STAC: variants seen among roughly 807,000 people sequenced by gnomAD.
STAC encodes the protein SH3 and cysteine rich domain.
A neutral mutation model predicts 48.8 loss-of-function variants in STAC; 43 were observed. The ratio of observed to expected loss-of-function variants is 0.88; its 90% CI spans 0.69 to 1.14. The LOEUF is 1.14. STAC is among the 50% of genes most tolerant of loss of function. STAC has a pLI of 0.00. For synonymous variants in STAC, 193 were observed against 179.5 expected (o/e 1.07, Z -0.60); for missense variants, 497 against 504.0 (o/e 0.99, Z 0.13).
intron 2 of STAC, among the ~76,000 whole-genome samples, chr3:36,480,170 A>G (rs1284323107): frequency 6.6e-6 from 1 of 152,236 alleles, no homozygotes; most frequent in African/African-American, 2.4e-5. Flanking sequence ...AAATTCCCAC[A>G]TAGAGCACAA....
intron 8 of STAC, among the ~76,000 whole-genome samples, chr3:36,514,948 G>T (rs1157204021): frequency 6.6e-6 from 1 of 151,906 alleles, no homozygotes; most frequent in Admixed American, 6.6e-5. Flanking sequence ...TGAGGCAGGG[G>T]AATTGCTTGA....
In STAC at chr3:36,528,654, C is replaced by CT. The variant is rs566697417; in HGVS notation, c.921-33dup. 1,939 of 1,457,352 alleles carry CT rather than the reference C, an allele frequency of 1.3e-3. 5 individuals are homozygous for CT. The highest frequency in any genetic ancestry group is 0.011 in the African/African-American group (792 of 69,662). 90.3% of individuals were successfully genotyped at this position (1,457,352 alleles called of 1,614,324 possible). On this transcript the variant is annotated intron_variant, in intron 8 of 10. Coordinates refer to ENST00000273183, the MANE Select transcript of STAC (RefSeq NM_003149.3). ...CCTGACTTTAAAGTATGTTATTTTT[C>CT]TTTTTTTTTCCTTTACCTAACTCAT...
Position 36,443,440 on chromosome 3 carries a change from G to C in STAC, c.188G>C (p.Arg63Pro), listed in dbSNP as rs372584922. ...RSKSADNFFQ[R>P]TNSEDMKLQA... Reference sequence around the variant, plus strand: ...AAAAGTGCTGACAACTTCTTCCAGCGAACCAACAGCGAAGACATGAAACTG... The same window carrying C: ...AAAAGTGCTGACAACTTCTTCCAGCCAACCAACAGCGAAGACATGAAACTG... The change falls in exon 2 of 11, where the codon CGA becomes CCA. Residue 63 changes from arginine to proline, a missense_variant. Coordinates refer to ENST00000273183, the MANE Select transcript of STAC (RefSeq NM_003149.3). The surrounding 1 kb of genome is among the most constrained non-coding windows in gnomAD (Gnocchi z 4.2). 9 of 1,614,042 alleles carry C rather than the reference G, an allele frequency of 5.6e-6. No homozygotes were observed. The highest frequency in any genetic ancestry group is 1.7e-5 in the Admixed American group (1 of 60,010).
At chr3:36,527,090 G>T (rs1698955387) in intron 8 of STAC, among the ~76,000 whole-genome samples, 1 of 152,174 alleles carries the variant, frequency 6.6e-6, no homozygotes, top group Non-Finnish European at 1.5e-5. Context: ...CATAGGTATA[G>T]AATAGCGGAG....
At chr3:36,389,588 C>T (rs17034995) in intron 1 of STAC, among the ~76,000 whole-genome samples, 28,997 of 152,106 alleles carry the variant, frequency 0.19, 3,353 homozygotes, top group Non-Finnish European at 0.24. Context: ...TATTTTTTAA[C>T]TGGTGATAGC....
intron 8 of STAC, 37 bp downstream of exon 8, chr3:36,505,871 T>C: frequency 7.0e-7 from 1 of 1,436,116 alleles, no homozygotes; most frequent in South Asian, 1.2e-5. Context: ...AGAGTAAAAT[T>C]TTAAAGTCAG....
chr3:36,448,224 CTTTA>C (rs56048347), intron 2 of STAC, among the ~76,000 whole-genome samples: 6,706 of 146,228 alleles, frequency 0.046, 214 homozygotes, highest in Non-Finnish European at 0.064. Context: ...CTTTATTTAA[CTTTA>C]TTTATTTATT....
intron 6 of STAC, among the ~76,000 whole-genome samples, chr3:36,495,898 C>CTA (rs1483318509): frequency 1.2e-3 from 179 of 152,334 alleles, no homozygotes; most frequent in African/African-American, 4.2e-3. Flanking sequence ...CATTCCACAC[C>CTA]TGCTGAATCA....
chr3:36,529,195 T>G, intron 10 of STAC: 1 of 388,112 alleles, frequency 2.6e-6, no homozygotes, highest in Non-Finnish European at 4.4e-6. Context: ...TACCTGTTCA[T>G]AAACGAAACG....
chr3:36,486,545 T>C (rs753739582), intron 5 of STAC, among the ~76,000 whole-genome samples: 8 of 152,300 alleles, frequency 5.3e-5, no homozygotes, highest in Non-Finnish European at 7.3e-5. Context: ...TTAGATAACA[T>C]ATGAGTCAAC....
intron 8 of STAC, among the ~76,000 whole-genome samples, chr3:36,527,036 C>A (rs1351010126): frequency 6.6e-6 from 1 of 152,118 alleles, no homozygotes; most frequent in Non-Finnish European, 1.5e-5. Context: ...TTAAACAGAG[C>A]CTGTAAATAG....
chr3:36,481,492 G>C (rs191360423), intron 2 of STAC, among the ~76,000 whole-genome samples: 192 of 152,270 alleles, frequency 1.3e-3, no homozygotes, highest in Non-Finnish European at 2.3e-3. Flanking sequence ...TTGTAATCTT[G>C]GGACATCCTC....
intron 6 of STAC, among the ~76,000 whole-genome samples, chr3:36,501,571 A>G (rs1698284551): frequency 6.6e-6 from 1 of 152,182 alleles, no homozygotes; most frequent in Admixed American, 6.5e-5. Context: ...ATAGATATCA[A>G]CGATTAAAGC....
At chr3:36,437,387 C>T (rs1196806146) in intron 1 of STAC, among the ~76,000 whole-genome samples, 1 of 151,636 alleles carries the variant, frequency 6.6e-6, no homozygotes, top group Non-Finnish European at 1.5e-5. Context: ...AAATGTCCAA[C>T]AATGTTAGAC....
intron 6 of STAC, among the ~76,000 whole-genome samples, chr3:36,502,424 A>G (rs555668214): frequency 6.6e-6 from 1 of 152,342 alleles, no homozygotes; most frequent in East Asian, 1.9e-4. Flanking sequence ...TCTTGCAACC[A>G]TACATGAAAA....
intron 1 of STAC, among the ~76,000 whole-genome samples, chr3:36,391,612 T>C (rs1247394314): frequency 1.3e-5 from 2 of 152,218 alleles, no homozygotes; most frequent in African/African-American, 4.8e-5. Context: ...TGTGCTCTTC[T>C]GCTGATGAGC....
chr3:36,533,475 GTTTTTTTTTTT>G (rs58981589), intron 10 of STAC, among the ~76,000 whole-genome samples: 1 of 61,396 alleles, frequency 1.6e-5, no homozygotes, highest in African/African-American at 6.4e-5. Context: ...TTGCTAGCAT[GTTTTTTTTTTT>G]TTTTTTTTTT....
At chr3:36,527,805 G>A (rs561207591) in intron 8 of STAC, among the ~76,000 whole-genome samples, 1 of 152,178 alleles carries the variant, frequency 6.6e-6, no homozygotes, top group South Asian at 2.1e-4. Flanking sequence ...CCAAACCCAA[G>A]TAATTCTTGA....
At chr3:36,382,834 A>C (rs1699539890) in intron 1 of STAC, among the ~76,000 whole-genome samples, 1 of 152,156 alleles carries the variant, frequency 6.6e-6, no homozygotes, top group South Asian at 2.1e-4. Context: ...AGGATCTTTG[A>C]CCCTGAGCAT....
Sources: allele counts gnomAD v4.1 joint callset (sites outside exome capture counted in the v4.1 genomes callset), GRCh38; gene constraint gnomAD v4.1.1; non-coding constraint Gnocchi (gnomAD v3.1); transcripts MANE v1.5; gene names NCBI Gene and HGNC (gene_info 2026-07-23, HGNC 2026-07-21).